Variants in ZNF226 observed in about 807,000 individuals in gnomAD.
ZNF226 encodes the protein Kruppel-associated box protein.
Under a neutral mutation model 11.4 loss-of-function variants are expected in ZNF226, and 6 were observed. The ratio of observed to expected loss-of-function variants is 0.53; its 90% CI spans 0.29 to 1.04. ZNF226 has a LOEUF of 1.04. Ranked by LOEUF, ZNF226 falls within the 50% of genes least tolerant of loss-of-function variation. The pLI, the probability that ZNF226 is intolerant of heterozygous loss-of-function variation, is 0.08. For missense variants in ZNF226, 1,058 were observed against 956.5 expected (o/e 1.11, Z -1.40); for synonymous variants, 350 against 322.8 (o/e 1.08, Z -0.90).
the ZNF226 span, among the ~76,000 whole-genome samples, chr19:44,195,779 C>T: frequency 6.6e-6 from 1 of 152,204 alleles, no homozygotes; most frequent in Non-Finnish European, 1.5e-5. Context: ...TTTTCATCAC[C>T]TTCCCTGGCT....
Position 44,176,184 on chromosome 19 carries a change from AAGTGTGATG to A in ZNF226, c.929_937del (p.Asp310_Cys312del). ...GAAAGTACATGTGGGAGAAAAACTT[AAGTGTGATG>A]AGTGTGGTAAGGAATTCAGTCAGGG... On this transcript the variant is annotated inframe_deletion, in exon 6 of 6. Transcript: ENST00000337433. 6.2e-7 allele frequency: 1 copy of A among 1,614,152 alleles called. No individual in the cohort carries two copies. The highest frequency in any genetic ancestry group is 8.5e-7 in the Non-Finnish European group (1 of 1,180,026).
downstream of ZNF226, among the ~76,000 whole-genome samples, chr19:44,180,313 A>G (rs1970888720): frequency 6.6e-6 from 1 of 152,124 alleles, no homozygotes; most frequent in Non-Finnish European, 1.5e-5. Flanking sequence ...TTTAAAGCTT[A>G]TTTGGTTAAA....
intron 2 of ZNF226, chr19:44,167,871 A>G (rs1969587224): frequency 6.6e-6 from 1 of 152,192 alleles, no homozygotes; most frequent in Non-Finnish European, 1.5e-5. Flanking sequence ...GTAAGAGGCA[A>G]TTAGGAGGAC....
At chr19:44,190,827 G>T in the ZNF226 span, among the ~76,000 whole-genome samples, 1 of 152,132 alleles carries the variant, frequency 6.6e-6, no homozygotes, top group Admixed American at 6.5e-5. Flanking sequence ...TAATTATATT[G>T]TCATTTAAGA....
At chr19:44,194,316 G>T in the ZNF226 span, among the ~76,000 whole-genome samples, 1 of 152,158 alleles carries the variant, frequency 6.6e-6, no homozygotes, top group African/African-American at 2.4e-5. Context: ...TCACTCTGTT[G>T]CCCAGGCTGG....
At chr19:44,195,755 G>A in the ZNF226 span, among the ~76,000 whole-genome samples, 1 of 152,198 alleles carries the variant, frequency 6.6e-6, no homozygotes, top group African/African-American at 2.4e-5. Context: ...AGGTATATGT[G>A]CATGAGAACC....
Position 44,176,682 on chromosome 19 carries a change from TCATA to T in ZNF226, c.1425_1428del (p.Ile476ValfsTer10), listed in dbSNP as rs781638325. The T allele has an allele frequency of 1.4e-5, 22 of 1,613,426 alleles. No homozygotes were observed. The highest frequency in any genetic ancestry group is 1.9e-5 in the Non-Finnish European group (22 of 1,179,846). ...TCAGGGAGTTCACACTGGAGAGAAG[TCATA>T]CATATGTACTGTATGTGGGAAAGGC... On this transcript the variant is annotated frameshift_variant, in exon 6 of 6. Coordinates refer to ENST00000337433, the MANE Select transcript of ZNF226 (RefSeq NM_001032373.2). LOFTEE classifies it low-confidence loss of function (END_TRUNC).
chr19:44,189,682 C>T, the ZNF226 span, among the ~76,000 whole-genome samples: 1 of 152,194 alleles, frequency 6.6e-6, no homozygotes, highest in African/African-American at 2.4e-5. Context: ...ATTTTAACTA[C>T]ACCATTATCC....
the ZNF226 span, among the ~76,000 whole-genome samples, chr19:44,191,702 T>C: frequency 6.6e-6 from 1 of 152,000 alleles, no homozygotes; most frequent in Non-Finnish European, 1.5e-5. Flanking sequence ...TGTGGAATAA[T>C]AGTCATTCAC....
chr19:44,194,975 C>T, the ZNF226 span, among the ~76,000 whole-genome samples: 2 of 152,096 alleles, frequency 1.3e-5, no homozygotes, highest in African/African-American at 2.4e-5. Context: ...CCAAATGAAG[C>T]GTGCTCACAA....
intron 5 of ZNF226, chr19:44,174,161 G>GTGTTTGCA: frequency 6.6e-6 from 1 of 152,094 alleles, no homozygotes. Flanking sequence ...GTGTGTGTGT[G>GTGTTTGCA]TGTGTTTGCA....
rs776676950 is a variant in ZNF226 at position 44,176,352 on chromosome 19, AATTG to A, written c.1091_1094del (p.Asn364MetfsTer122). On this transcript the variant is annotated frameshift_variant, in exon 6 of 6. Coordinates refer to ENST00000337433, the MANE Select transcript of ZNF226 (RefSeq NM_001032373.2). LOFTEE classifies it low-confidence loss of function (END_TRUNC). ...GGTCCACACGGCAGAGAAACCTTAT[AATTG>A]TGAGGAGTGTGGGAGGGCCTTCAGT... 32 of 1,614,098 alleles carry A rather than the reference AATTG, an allele frequency of 2.0e-5. No individual in the cohort carries two copies. Among genetic ancestry groups the A allele is most frequent in the South Asian group, 1.4e-4 (13 of 91,084 alleles).
At position 44,176,971 on chromosome 19, in the gene ZNF226, A is replaced by G. The variant is rs1970744995; in HGVS notation, c.1709A>G (p.Gln570Arg). The change falls in exon 6 of 6, where the codon CAG (glutamine) becomes CGG (arginine). Residue 570 changes from glutamine (Q) to arginine (R), a missense_variant. Physicochemically the swap from Gln to Arg is conservative, Grantham distance 43. Transcript: ENST00000337433. ...GAGGAGTGTGGGCAGGGTTTCAATC[A>G]GAGCTCACGACTTCAGATTCACCAG... ...KCEECGQGFN[Q>R]SSRLQIHQLI... 6.2e-7 allele frequency: 1 copy of G among 1,613,996 alleles called. No homozygotes were observed. The highest frequency in any genetic ancestry group is 8.5e-7 in the Non-Finnish European group (1 of 1,179,876).
At chr19:44,189,579 G>A in the ZNF226 span, among the ~76,000 whole-genome samples, 1 of 152,140 alleles carries the variant, frequency 6.6e-6, no homozygotes, top group Non-Finnish European at 1.5e-5. Flanking sequence ...TTTAAAGTTG[G>A]ACTAAAGGAT....
At chr19:44,181,770 A>G (rs1275064010), downstream of ZNF226, among the ~76,000 whole-genome samples, 1 of 152,110 alleles carries the variant, frequency 6.6e-6, no homozygotes, top group East Asian at 1.9e-4. Context: ...CTTGCCTGAA[A>G]AGCCTGTGAT....
chr19:44,169,225 C>T (rs1250752603), intron 2 of ZNF226, among the ~76,000 whole-genome samples: 1 of 152,026 alleles, frequency 6.6e-6, no homozygotes, highest in East Asian at 1.9e-4. Flanking sequence ...CCAGGCTTGT[C>T]TTCAACTCCT....
At chr19:44,167,322 T>TTC (rs2122242835) in intron 2 of ZNF226, among the ~76,000 whole-genome samples, 1 of 149,660 alleles carries the variant, frequency 6.7e-6, no homozygotes, top group East Asian at 1.9e-4. Context: ...AACTTTTTTT[T>TTC]TTTTTTTTTT....
At chr19:44,179,013 C>G (rs950757613), downstream of ZNF226, among the ~76,000 whole-genome samples, 2 of 152,068 alleles carry the variant, frequency 1.3e-5, no homozygotes, top group African/African-American at 2.4e-5. Flanking sequence ...AACCCTGTCT[C>G]TACTAAAAAT....
At chr19:44,184,073 C>T in the ZNF226 span, among the ~76,000 whole-genome samples, 1 of 152,092 alleles carries the variant, frequency 6.6e-6, no homozygotes, top group South Asian at 2.1e-4. Context: ...GCTAAAATGA[C>T]AGTGTTGAGT....
Sources: gnomAD v4.1 joint callset for allele counts (sites outside exome capture counted in the v4.1 genomes callset) on GRCh38, gnomAD v4.1.1 for gene constraint, MANE v1.5 for transcripts, NCBI Gene and HGNC (gene_info 2026-07-23, HGNC 2026-07-21) for gene names.